The following SERINC1 variants were observed in gnomAD, a reference collection of about 807,000 sequenced individuals.
SERINC1 encodes the protein tumor differentially expressed protein 2.
SERINC1 carries 38 observed loss-of-function variants against 52.9 expected under a neutral mutation model. The observed-to-expected ratio is 0.72, with a 90% CI of 0.55 to 0.94. The LOEUF is 0.94. Ranked by LOEUF, SERINC1 falls within the 40% of genes least tolerant of loss-of-function variation. The pLI is 0.00. For synonymous variants in SERINC1, 198 were observed against 183.1 expected (o/e 1.08, Z -0.66); for missense variants, 471 against 533.9 (o/e 0.88, Z 1.16).
intron 7 of SERINC1, among the ~76,000 whole-genome samples, chr6:122,450,194 T>G (rs1414324507): frequency 6.6e-6 from 1 of 152,192 alleles, no homozygotes; most frequent in African/African-American, 2.4e-5. Context: ...TAGGGACTAA[T>G]GCAGACAATG....
At chr6:122,461,063 A>AATATAAGTGAATTATATTTAAAT (rs1350954563) in intron 1 of SERINC1, among the ~76,000 whole-genome samples, 1 of 152,182 alleles carries the variant, frequency 6.6e-6, no homozygotes, top group Non-Finnish European at 1.5e-5. Context: ...GACAACTTTA[A>AATATAAGTGAATTATATTTAAAT]ATAGCCTAAT....
chr6:122,445,128 T>C lies in SERINC1; in HGVS notation c.1278A>G (p.Lys426=). The stretch of plus-strand genomic sequence containing the variant: ...CGATGCCAATCCAACTGGAAGAGAT[T>C]TTCACCCAGACAGCTGTCCACTGAC... ...MKSQWTAVWV[K]ISSSWIGIVL... is the part of the protein sequence containing the mutation. The change falls in exon 10 of 10, where the codon AAA becomes AAG. Residue 426 remains lysine, a synonymous_variant. Transcript: ENST00000339697. The C allele has an allele frequency of 6.2e-7, 1 of 1,614,032 alleles. No homozygotes were observed. The highest frequency in any genetic ancestry group is 1.1e-5 in the South Asian group (1 of 91,074).
Position 122,446,842 on chromosome 6 carries a change from A to G in SERINC1, c.1158T>C (p.Tyr386=). The G allele has an allele frequency of 6.2e-7, 1 of 1,614,104 alleles. No individual in the cohort carries two copies. Among genetic ancestry groups the G allele is most frequent in the Non-Finnish European group, 8.5e-7 (1 of 1,179,940 alleles). Residue 386 remains tyrosine, a synonymous_variant, in exon 9 of 10, where the codon TAT becomes TAC. Coordinates refer to ENST00000339697, the MANE Select transcript of SERINC1 (RefSeq NM_020755.4). ...DNERDGVTYS[Y]SFFHFMLFLA... is the part of the protein sequence containing the mutation. ...GGAAAAGCATGAAGTGAAAGAAGGA[A>G]TAACTGTAAGTGACACCATCCCTTT... is the stretch of plus-strand genomic sequence containing the variant.
intron 1 of SERINC1, among the ~76,000 whole-genome samples, chr6:122,461,816 CAG>C (rs999995754): frequency 6.6e-6 from 1 of 151,610 alleles, no homozygotes; most frequent in Non-Finnish European, 1.5e-5. Flanking sequence ...AAAATTATAC[CAG>C]AGAGAAATTT....
At chr6:122,467,997 G>A (rs2114492355) in intron 1 of SERINC1, among the ~76,000 whole-genome samples, 1 of 152,154 alleles carries the variant, frequency 6.6e-6, no homozygotes, top group South Asian at 2.1e-4. Context: ...AATACCAAAA[G>A]AAATACTGTC....
At chr6:122,460,195 C>T (rs1775076836) in intron 1 of SERINC1, among the ~76,000 whole-genome samples, 1 of 152,190 alleles carries the variant, frequency 6.6e-6, no homozygotes. Context: ...GCCTCAGCCT[C>T]CTGAGTAGCT....
intron 4 of SERINC1, 97 bp downstream of exon 4, chr6:122,454,044 ACACACACCCC>A: frequency 8.7e-7 from 1 of 1,145,312 alleles, no homozygotes; most frequent in Non-Finnish European, 1.3e-6. Context: ...AAACACACAC[ACACACACCCC>A]CAAACAAAAA....
At chr6:122,461,065 T>G (rs897419482) in intron 1 of SERINC1, among the ~76,000 whole-genome samples, 2 of 152,102 alleles carry the variant, frequency 1.3e-5, no homozygotes, top group African/African-American at 4.8e-5. Flanking sequence ...CAACTTTAAA[T>G]AGCCTAATAT....
intron 9 of SERINC1, among the ~76,000 whole-genome samples, chr6:122,445,883 C>CAAAAAAA (rs71018202): frequency 4.3e-4 from 27 of 62,796 alleles, no homozygotes; most frequent in African/African-American, 1.1e-3. Flanking sequence ...GACTCCATTT[C>CAAAAAAA]AAAAAAAAAA....
intron 7 of SERINC1, among the ~76,000 whole-genome samples, chr6:122,448,276 T>C (rs976966747): frequency 3.3e-5 from 5 of 152,160 alleles, no homozygotes; most frequent in Non-Finnish European, 7.3e-5. Flanking sequence ...AAACTACTAA[T>C]AATTTTTTTC....
At chr6:122,463,572 T>C (rs1775141763) in intron 1 of SERINC1, among the ~76,000 whole-genome samples, 1 of 152,272 alleles carries the variant, frequency 6.6e-6, no homozygotes, top group Non-Finnish European at 1.5e-5. Flanking sequence ...ATAAAAGGCA[T>C]ATAGACAGCA....
intron 9 of SERINC1, among the ~76,000 whole-genome samples, chr6:122,445,920 A>G (rs1480493905): frequency 1.3e-5 from 2 of 149,490 alleles, no homozygotes; most frequent in Non-Finnish European, 3.0e-5. Flanking sequence ...GGATTCTTAT[A>G]GCTTAATACG....
intron 1 of SERINC1, among the ~76,000 whole-genome samples, chr6:122,469,976 C>A (rs1775249788): frequency 6.6e-6 from 1 of 152,124 alleles, no homozygotes; most frequent in Non-Finnish European, 1.5e-5. Flanking sequence ...TATTGGCCTG[C>A]AGTAAAATCA....
At chr6:122,460,752 C>CA in intron 1 of SERINC1, among the ~76,000 whole-genome samples, 1 of 152,062 alleles carries the variant, frequency 6.6e-6, no homozygotes, top group East Asian at 1.9e-4. Context: ...ATCAATCAGT[C>CA]AATATCAACC....
At chr6:122,451,625 G>A in intron 7 of SERINC1, 39 bp downstream of exon 7, 1 of 766,512 alleles carries the variant, frequency 1.3e-6, no homozygotes, top group Non-Finnish European at 2.2e-6. Context: ...AACAACAACT[G>A]CAGAACCTTT....
At chr6:122,453,696 T>C in intron 5 of SERINC1, 74 bp downstream of exon 5, 4 of 1,236,254 alleles carry the variant, frequency 3.2e-6, no homozygotes, top group Non-Finnish European at 4.3e-6. Flanking sequence ...TCCTAAGTGA[T>C]TTACCTAGTC....
At chr6:122,455,972 TTTTGTC>T (rs1774986238) in intron 3 of SERINC1, among the ~76,000 whole-genome samples, 1 of 152,182 alleles carries the variant, frequency 6.6e-6, no homozygotes, top group Non-Finnish European at 1.5e-5. Context: ...TGTTTATACT[TTTTGTC>T]TTTGGTAGCA....
In SERINC1 at chr6:122,447,233, T is replaced by C; in HGVS notation, c.883A>G (p.Ile295Val). 6.2e-7 allele frequency: 1 copy of C among 1,612,152 alleles called. No homozygotes were observed. The highest frequency in any genetic ancestry group is 8.5e-7 in the Non-Finnish European group (1 of 1,178,336). ...TNCNPSLLSI[I>V]GYNTTSTVPK... ...ACAGTGCTTGTTGTATTGTAGCCAA[T>C]TATGCTTAGTAGACTTGGGTTGCAA... Residue 295 changes from isoleucine to valine, a missense_variant, in exon 8 of 10, where the codon ATT (isoleucine) becomes GTT (valine). Transcript: ENST00000339697.
intron 5 of SERINC1, 26 bp downstream of exon 5, chr6:122,453,744 G>A: frequency 1.3e-6 from 2 of 1,573,702 alleles, no homozygotes; most frequent in Non-Finnish European, 8.7e-7. Context: ...CAACTATACT[G>A]AAGTTGTTCT....
Sources: allele counts gnomAD v4.1 joint callset (sites outside exome capture counted in the v4.1 genomes callset), GRCh38; gene constraint gnomAD v4.1.1; transcripts MANE v1.5; gene names NCBI Gene and HGNC (gene_info 2026-07-23, HGNC 2026-07-21).